The following ANKRD11 variants were observed in gnomAD, a reference collection of about 807,000 sequenced individuals.
ANKRD11 encodes the protein ankyrin repeat domain 11.
A neutral mutation model predicts 195.7 loss-of-function variants in ANKRD11; 17 were observed. That is an observed-to-expected ratio of 0.09 (90% CI 0.06 to 0.13). The LOEUF (loss-of-function observed/expected upper bound fraction) is 0.13. ANKRD11 is among the 10% of genes least tolerant of loss of function. The pLI, the probability that ANKRD11 is intolerant of heterozygous loss-of-function variation, is 1.00. For synonymous variants in ANKRD11, 1,953 were observed against 1,528.1 expected (o/e 1.28, Z -6.49); for missense variants, 3,735 against 3,566.1 (o/e 1.05, Z -1.21).
intron 1 of ANKRD11, among the ~76,000 whole-genome samples, chr16:89,459,779 A>G (rs72803374): frequency 6.6e-6 from 1 of 152,028 alleles, no homozygotes; most frequent in Admixed American, 6.6e-5. Flanking sequence ...TACAAACAAT[A>G]AAAAAGTAGC....
chr16:89,429,187 C>G (rs536550458), intron 1 of ANKRD11, among the ~76,000 whole-genome samples: 12 of 120,126 alleles, frequency 1.0e-4, no homozygotes, highest in Middle Eastern at 5.0e-3. Flanking sequence ...TCAACTCTCA[C>G]GCTCAGACGT....
At chr16:89,391,690 G>C (rs931627017) in intron 2 of ANKRD11, among the ~76,000 whole-genome samples, 13 of 152,284 alleles carry the variant, frequency 8.5e-5, no homozygotes, top group Admixed American at 4.6e-4. Flanking sequence ...CTCAATCACT[G>C]AGAGGACAAG....
chr16:89,284,908 T>C lies in ANKRD11; in HGVS notation c.1634A>G (p.His545Arg). ...NPSHTDQHTK[H>R]WRTDNWKTIS... is the part of the protein sequence containing the mutation. ...GGTTTTCCAATTGTCTGTCCGCCAGTGCTTGGTGTGCTGGTCTGTGTGGCT... is the reference window on the plus strand; with the variant it reads ...GGTTTTCCAATTGTCTGTCCGCCAGCGCTTGGTGTGCTGGTCTGTGTGGCT... Residue 545 changes from histidine (H) to arginine (R), a missense_variant, in exon 9 of 13, where the codon CAC becomes CGC. His to Arg is a conservative substitution (Grantham distance 29). Transcript: ENST00000301030. 1 of 1,614,184 alleles carries C rather than the reference T, an allele frequency of 6.2e-7. No individual in the cohort carries two copies. Among genetic ancestry groups the C allele is most frequent in the Non-Finnish European group, 8.5e-7 (1 of 1,180,038 alleles).
chr16:89,293,872 C>G (rs1383457078), intron 4 of ANKRD11, among the ~76,000 whole-genome samples: 1 of 152,096 alleles, frequency 6.6e-6, no homozygotes, highest in East Asian at 1.9e-4. Flanking sequence ...GAGGAACAGG[C>G]AGAGGCAAAG....
At position 89,285,446 on chromosome 16, in the gene ANKRD11, G is replaced by A; in HGVS notation, c.1096C>T (p.Leu366=). 6.2e-7 allele frequency: 1 copy of A among 1,614,080 alleles called. No homozygotes were observed. Among genetic ancestry groups the A allele is most frequent in the Admixed American group, 1.7e-5 (1 of 60,004 alleles). The change falls in exon 9 of 13, where the codon CTA becomes TTA. Residue 366 remains leucine, a synonymous_variant. Coordinates refer to ENST00000301030, the MANE Select transcript of ANKRD11 (RefSeq NM_013275.6). This position sits in a 1 kb window ranked among gnomAD's most constrained non-coding sequence, Gnocchi z 5.6. ...DRVPPVDDKH[L]LKKDYRKETK... ...TCTTTTCTGTAGTCCTTTTTCAATA[G>A]GTGCTTGTCGTCCACCGGAGGAACC... is the stretch of plus-strand genomic sequence containing the variant.
intron 2 of ANKRD11, among the ~76,000 whole-genome samples, chr16:89,415,316 G>A (rs1395380891): frequency 6.4e-5 from 9 of 140,626 alleles, no homozygotes; most frequent in Non-Finnish European, 9.1e-5. Context: ...CCAGGCTGGA[G>A]CGCAGTGGTG....
intron 2 of ANKRD11, among the ~76,000 whole-genome samples, chr16:89,366,545 G>A (rs549482475): frequency 2.0e-5 from 3 of 152,202 alleles, no homozygotes; most frequent in East Asian, 1.9e-4. Context: ...ATGGTGTCTC[G>A]CTGTGAGAAA....
At chr16:89,438,232 T>C (rs752334815) in intron 1 of ANKRD11, among the ~76,000 whole-genome samples, 5 of 152,146 alleles carry the variant, frequency 3.3e-5, no homozygotes, top group Non-Finnish European at 5.9e-5. Flanking sequence ...AACATCAATT[T>C]AGGATACATT....
rs565726328 is a variant in ANKRD11 at position 89,298,009 on chromosome 16, C to T, written c.227-6826G>A. The stretch of plus-strand genomic sequence containing the variant: ...TTGCCTGCACAACCTCCATGCCTTC[C>T]CCATCTCCAGGCCGGGGTGGGGTAG... On this transcript the variant is annotated intron_variant, in intron 4 of 12. Coordinates refer to ENST00000301030, the MANE Select transcript of ANKRD11 (RefSeq NM_013275.6). 3 of 151,980 alleles carry T rather than the reference C, an allele frequency of 2.0e-5. No individual in the cohort carries two copies. The East Asian group carries it at 5.8e-4, about 29-fold the overall frequency. 9.4% of individuals were successfully genotyped at this position (151,980 alleles called of 1,614,324 possible). A position where few individuals can be genotyped will look rare whatever the true frequency, so the allele number is the denominator to read the frequency against.
intron 2 of ANKRD11, chr16:89,395,949 G>A (rs1597271148): frequency 6.6e-6 from 1 of 152,168 alleles, no homozygotes; most frequent in Non-Finnish European, 1.5e-5. Flanking sequence ...AAGCACTGCT[G>A]CCGCACACCA....
chr16:89,402,186 C>A (rs1321836281), intron 2 of ANKRD11, among the ~76,000 whole-genome samples: 2 of 152,182 alleles, frequency 1.3e-5, no homozygotes, highest in African/African-American at 4.8e-5. Flanking sequence ...CTACAGTTCA[C>A]TGCATGAAAG....
intron 2 of ANKRD11, among the ~76,000 whole-genome samples, chr16:89,385,178 GAGAAA>G (rs2040855278): frequency 6.8e-6 from 1 of 146,450 alleles, no homozygotes; most frequent in African/African-American, 2.5e-5. Context: ...ACCCGGCCTT[GAGAAA>G]TGGTGTTTTT....
intron 2 of ANKRD11, among the ~76,000 whole-genome samples, chr16:89,396,812 G>A (rs996829151): frequency 1.3e-5 from 2 of 152,014 alleles, no homozygotes; most frequent in Admixed American, 6.5e-5. Context: ...TCAGCCTCCC[G>A]AGTAGCTGGG....
chr16:89,417,292 G>T (rs947680318), intron 2 of ANKRD11, among the ~76,000 whole-genome samples: 6 of 152,200 alleles, frequency 3.9e-5, no homozygotes, highest in African/African-American at 1.4e-4. Context: ...ACACAAAACA[G>T]ATTATGTATT....
At position 89,387,976 on chromosome 16, in the gene ANKRD11, G is replaced by A. The variant is rs531221976; in HGVS notation, c.-60+30308C>T. ...TGCAGTGAGCCGAGATGGTGCCACC[G>A]CACTCCAGCCTGGGCAACAGAGCAA... On this transcript the variant is annotated intron_variant, in intron 2 of 12. Transcript: ENST00000301030. 2.4e-3 allele frequency among the ~76,000 whole-genome samples: 352 copies of A among 147,928 alleles called. 2 individuals carry two copies. The highest frequency in any genetic ancestry group is 6.7e-3 in the African/African-American group (270 of 40,076).
At chr16:89,310,314 C>G (rs1406245803) in intron 3 of ANKRD11, among the ~76,000 whole-genome samples, 2 of 152,212 alleles carry the variant, frequency 1.3e-5, no homozygotes, top group Admixed American at 6.5e-5. Flanking sequence ...GTCCTGCTAC[C>G]AAGAGGAAGC....
At chr16:89,434,500 T>C (rs1457489136) in intron 1 of ANKRD11, among the ~76,000 whole-genome samples, 1 of 152,228 alleles carries the variant, frequency 6.6e-6, no homozygotes, top group East Asian at 1.9e-4. Flanking sequence ...CGCGCAGTCC[T>C]GTGCCTCACC....
In ANKRD11 at chr16:89,283,666, T is replaced by G; in HGVS notation, c.2876A>C (p.Lys959Thr). 2 of 1,612,242 alleles carry G rather than the reference T, an allele frequency of 1.2e-6. No individual in the cohort carries two copies. Among genetic ancestry groups the G allele is most frequent in the Non-Finnish European group, 1.7e-6 (2 of 1,179,984 alleles). The change falls in exon 9 of 13, where the codon AAG becomes ACG. Residue 959 changes from lysine to threonine, a missense_variant. Coordinates refer to ENST00000301030, the MANE Select transcript of ANKRD11 (RefSeq NM_013275.6). This position sits in a 1 kb window ranked among gnomAD's most constrained non-coding sequence, Gnocchi z 4.3. ...CTTGGCCCTGCCGTCCCTGCGCTCC[T>G]TGCAGCTCTCCAGGGCGTCCTTTCT... ...RDRKDALESCKERRDGRAKPE... is the reference protein window; with the variant it reads ...RDRKDALESCTERRDGRAKPE...
At chr16:89,373,164 G>A (rs1379618240) in intron 2 of ANKRD11, 1 of 152,210 alleles carries the variant, frequency 6.6e-6, no homozygotes, top group African/African-American at 2.4e-5. Flanking sequence ...AATGGAAAAG[G>A]CCTTCACAGA....
Sources: gnomAD v4.1 joint callset for allele counts (sites outside exome capture counted in the v4.1 genomes callset) on GRCh38, gnomAD v4.1.1 for gene constraint, Gnocchi (gnomAD v3.1) non-coding constraint, MANE v1.5 for transcripts, NCBI Gene and HGNC (gene_info 2026-07-23, HGNC 2026-07-21) for gene names.